Variants in WDSUB1 observed in about 807,000 individuals in gnomAD.
WDSUB1 encodes the protein WD repeat, SAM and U-box domain-containing protein 1.
Under a neutral mutation model 53.9 loss-of-function variants are expected in WDSUB1, and 49 were observed. The ratio of observed to expected loss-of-function variants is 0.91; its 90% CI spans 0.72 to 1.15. The LOEUF (loss-of-function observed/expected upper bound fraction) is 1.15, where lower values mean the gene tolerates loss of function less well. Ranked by LOEUF, WDSUB1 falls within the 50% of genes most tolerant of loss-of-function variation. WDSUB1 has a pLI of 0.00. For missense variants in WDSUB1, 514 were observed against 562.0 expected (o/e 0.91, Z 0.86); for synonymous variants, 194 against 200.6 (o/e 0.97, Z 0.28).
intron 5 of WDSUB1, among the ~76,000 whole-genome samples, chr2:159,261,488 T>G (rs1358772435): frequency 1.3e-5 from 2 of 152,204 alleles, no homozygotes; most frequent in African/African-American, 4.8e-5. Flanking sequence ...CGTGAGTATG[T>G]ATGTGATGGA....
chr2:159,236,395 T>C (rs1227340563), intron 10 of WDSUB1, among the ~76,000 whole-genome samples: 1 of 152,034 alleles, frequency 6.6e-6, no homozygotes, highest in East Asian at 1.9e-4. Context: ...GAAGCAAAAA[T>C]TGCCCAGAAG....
chr2:159,265,103 A>AT (rs1392566044), intron 5 of WDSUB1, among the ~76,000 whole-genome samples: 2 of 122,532 alleles, frequency 1.6e-5, no homozygotes, highest in African/African-American at 1.0e-4. Context: ...AAAAAAATAA[A>AT]ACAACAACAA....
At chr2:159,277,592 GGAGA>G (rs1343413722) in intron 3 of WDSUB1, among the ~76,000 whole-genome samples, 1 of 151,966 alleles carries the variant, frequency 6.6e-6, no homozygotes, top group Non-Finnish European at 1.5e-5. Context: ...TTTAAAAACT[GGAGA>G]GAAATGATCA....
intron 4 of WDSUB1, among the ~76,000 whole-genome samples, chr2:159,273,136 T>A (rs1159857404): frequency 8.5e-5 from 13 of 152,156 alleles, no homozygotes; most frequent in African/African-American, 2.9e-4. Flanking sequence ...TATTTTTATC[T>A]GGGAGAGCAG....
Position 159,250,088 on chromosome 2 carries a change from C to CAA in WDSUB1, c.1133-1578_1133-1577dup, listed in dbSNP as rs374038625. On this transcript the variant is annotated intron_variant, in intron 9 of 10. Transcript: ENST00000359774. ...TGGGCGACACAGTGAGACTCTGCCT[C>CAA]AAAAAAAAAAAAAAAAAAAGAAGGG... is the stretch of plus-strand genomic sequence containing the variant. 3.4e-3 allele frequency among the ~76,000 whole-genome samples: 282 copies of CAA among 83,526 alleles called. 5 individuals are homozygous for CAA. Among genetic ancestry groups the CAA allele is most frequent in the African/African-American group, 9.2e-3 (259 of 28,126 alleles). 54.8% of individuals were successfully genotyped at this position (83,526 alleles called of 152,430 possible).
intron 9 of WDSUB1, among the ~76,000 whole-genome samples, chr2:159,250,137 A>C (rs973413594): frequency 2.0e-5 from 3 of 151,090 alleles, no homozygotes; most frequent in Non-Finnish European, 4.4e-5. Context: ...CAGAACCTGA[A>C]GTGCAAGTGT....
intron 5 of WDSUB1, among the ~76,000 whole-genome samples, chr2:159,266,923 G>A (rs908530054): frequency 5.9e-5 from 9 of 152,076 alleles, no homozygotes; most frequent in Admixed American, 5.2e-4. Flanking sequence ...ACAGGTGCAA[G>A]CCACCATGCT....
intron 2 of WDSUB1, 135 bp from the exon 3 acceptor site, chr2:159,280,080 C>A: frequency 1.4e-6 from 1 of 713,116 alleles, no homozygotes; most frequent in Non-Finnish European, 2.2e-6. Flanking sequence ...ACAACTGATG[C>A]CTACAGAAAT....
intron 5 of WDSUB1, among the ~76,000 whole-genome samples, chr2:159,261,896 ATTTTTTTTTTTTTTTT>A (rs869067609): frequency 0.021 from 468 of 22,506 alleles, 10 homozygotes; most frequent in Middle Eastern, 0.14. Context: ...ATATATATAT[ATTTTTTTTTTTTTTTT>A]TTTTTTTTTT....
intron 9 of WDSUB1, among the ~76,000 whole-genome samples, chr2:159,255,059 G>A (rs1353975624): frequency 6.6e-6 from 1 of 152,170 alleles, no homozygotes; most frequent in African/African-American, 2.4e-5. Context: ...GAGCCTGGGA[G>A]GTCGAGGCTG....
intron 9 of WDSUB1, among the ~76,000 whole-genome samples, chr2:159,249,364 TGAATTTTAG>T (rs1158615383): frequency 1.3e-5 from 2 of 152,246 alleles, no homozygotes; most frequent in Non-Finnish European, 2.9e-5. Context: ...GAAAGTCTAA[TGAATTTTAG>T]GAATTTTAGA....
chr2:159,252,688 G>T (rs377338186), intron 9 of WDSUB1, among the ~76,000 whole-genome samples: 2 of 152,266 alleles, frequency 1.3e-5, no homozygotes, highest in Admixed American at 6.5e-5. Context: ...AGTTACATAG[G>T]CAACAAGTGA....
chr2:159,248,371 C>T lies in WDSUB1; in HGVS notation c.1273+1G>A, dbSNP rs753234795. 1 of 1,611,692 alleles carries T rather than the reference C, an allele frequency of 6.2e-7. No individual in the cohort carries two copies. The highest frequency in any genetic ancestry group is 8.5e-7 in the Non-Finnish European group (1 of 1,179,196). On this transcript the variant is annotated splice_donor_variant, in intron 10 of 10. Transcript: ENST00000359774. LOFTEE classifies it high-confidence loss of function. ...GCAACTTAGTATAGCATCACACATA[C>T]CTGATGCGATGACCGGATCTTTCAT...
chr2:159,253,906 G>A (rs2061004683), intron 9 of WDSUB1, among the ~76,000 whole-genome samples: 1 of 152,132 alleles, frequency 6.6e-6, no homozygotes, highest in Non-Finnish European at 1.5e-5. Context: ...AATGAAGGTT[G>A]CAAAAACCTT....
At chr2:159,259,873 G>A (rs750912104) in intron 5 of WDSUB1, 30 bp from the exon 6 acceptor site, 186 of 1,485,208 alleles carry the variant, frequency 1.3e-4, no homozygotes, top group Non-Finnish European at 1.6e-4. Flanking sequence ...TAGGTGAAAA[G>A]TTCTATAAAA....
At position 159,235,994 on chromosome 2, in the gene WDSUB1, G is replaced by T. The variant is rs1559517554; in HGVS notation, c.*39C>A. The stretch of plus-strand genomic sequence containing the variant: ...GTATTTACCTATAAATCATTCAAAT[G>T]AGATCACTGAAAATATAAATAATAC... On this transcript the variant is annotated 3_prime_UTR_variant, in exon 11 of 11. Transcript: ENST00000359774. The T allele has an allele frequency of 6.5e-7, 1 of 1,544,984 alleles. No individual in the cohort carries two copies. The highest frequency in any genetic ancestry group is 2.3e-5 in the East Asian group (1 of 43,856).
chr2:159,255,674 ATAC>A (rs1030309778), intron 9 of WDSUB1, among the ~76,000 whole-genome samples: 1 of 152,162 alleles, frequency 6.6e-6, no homozygotes, highest in African/African-American at 2.4e-5. Flanking sequence ...TTATAATACT[ATAC>A]TTTAAAATGG....
chr2:159,249,602 T>C (rs1003860147), intron 9 of WDSUB1, among the ~76,000 whole-genome samples: 4 of 152,170 alleles, frequency 2.6e-5, no homozygotes, highest in African/African-American at 9.6e-5. Context: ...CCTTGGAAGC[T>C]AGAGATAGTG....
rs182381819 is a variant in WDSUB1 at position 159,270,872 on chromosome 2, C to A, written c.770+830G>T. Among the ~76,000 whole-genome samples the A allele has an allele frequency of 5.5e-3, 840 of 151,884 alleles. 11 individuals carry two copies. The highest frequency in any genetic ancestry group is 0.019 in the African/African-American group (790 of 41,372). On this transcript the variant is annotated intron_variant, in intron 5 of 10. Transcript: ENST00000359774. ...ACACACACACATACATATATAACAA[C>A]AAATCAGTAAGAAAAAGATAACCTA...
Sources: allele counts gnomAD v4.1 joint callset (sites outside exome capture counted in the v4.1 genomes callset), GRCh38; gene constraint gnomAD v4.1.1; transcripts MANE v1.5; gene names NCBI Gene and HGNC (gene_info 2026-07-23, HGNC 2026-07-21).